Variants in RUFY3 observed in about 807,000 individuals in gnomAD.
RUFY3 encodes the protein protein RUFY3.
Under a neutral mutation model 84.0 loss-of-function variants are expected in RUFY3, and 34 were observed. The observed-to-expected ratio is 0.40, with a 90% CI of 0.31 to 0.54. The LOEUF is 0.54. Ranked by LOEUF, RUFY3 falls within the 20% of genes least tolerant of loss-of-function variation. The probability of loss-of-function intolerance (pLI) is 0.39; values close to 1 mark genes in which losing one functional copy is unlikely to be tolerated. For synonymous variants in RUFY3, 242 were observed against 252.9 expected, an observed-to-expected ratio of 0.96 and a Z score of 0.41; for missense variants, 507 against 736.8, an observed-to-expected ratio of 0.69 and a Z score of 3.61.
chr4:70,767,488 T>A (rs1010550002), intron 4 of RUFY3, among the ~76,000 whole-genome samples: 1 of 151,974 alleles, frequency 6.6e-6, no homozygotes, highest in Non-Finnish European at 1.5e-5. Context: ...GCTCCCAAAT[T>A]TTGGCAATTA....
intron 1 of RUFY3, among the ~76,000 whole-genome samples, chr4:70,749,950 C>T (rs1369727419): frequency 1.3e-5 from 2 of 151,854 alleles, no homozygotes; most frequent in Non-Finnish European, 2.9e-5. Flanking sequence ...GCCACTGTGC[C>T]CAGCCAGAAT....
At chr4:70,754,060 T>G (rs565673103) in intron 1 of RUFY3, among the ~76,000 whole-genome samples, 1 of 152,086 alleles carries the variant, frequency 6.6e-6, no homozygotes, top group Admixed American at 6.5e-5. Flanking sequence ...TTTTTTTTTT[T>G]TTTTCGAGAT....
intron 12 of RUFY3, chr4:70,792,052 G>C: frequency 1.0e-6 from 1 of 985,498 alleles, no homozygotes; most frequent in Non-Finnish European, 1.2e-6. Flanking sequence ...TTCTACCTCT[G>C]CCGTTTTCCT....
intron 1 of RUFY3, chr4:70,741,692 AC>A: frequency 2.0e-6 from 3 of 1,469,206 alleles, no homozygotes; most frequent in Non-Finnish European, 2.7e-6. Flanking sequence ...TGCGTGCCAC[AC>A]CAACATCTTT....
rs911202367 is a variant in RUFY3 at position 70,806,808 on chromosome 4, G to A, written c.*149G>A. 4 of 933,948 alleles carry A rather than the reference G, an allele frequency of 4.3e-6. No individual in the cohort carries two copies. Among genetic ancestry groups the A allele is most frequent in the Admixed American group, 5.8e-5 (2 of 34,304 alleles). The allele number at this position is 933,948 out of a possible 1,614,324, so 57.9% of individuals were successfully genotyped here. A position where few individuals can be genotyped will look rare whatever the true frequency, so the allele number is the denominator to read the frequency against. On this transcript the variant is annotated 3_prime_UTR_variant, in exon 18 of 18. Transcript: ENST00000381006. ...GGTCCAGGGAGAAAAGGCAGTGGTT[G>A]GGGTTACTGGAAATTTTGCTCATTT...
At chr4:70,800,276 T>C (rs1334812009) in intron 15 of RUFY3, 71 bp downstream of exon 15, 3 of 1,173,262 alleles carry the variant, frequency 2.6e-6, no homozygotes, top group African/African-American at 1.6e-5. Context: ...GAGTTCTTTA[T>C]ATACATTGGC....
At chr4:70,727,272 A>G (rs1718416522) in intron 1 of RUFY3, among the ~76,000 whole-genome samples, 1 of 151,490 alleles carries the variant, frequency 6.6e-6, no homozygotes, top group Admixed American at 6.6e-5. Flanking sequence ...TTTTTAAGTC[A>G]CATGCTCATA....
chr4:70,777,867 A>G (rs1377002375), intron 7 of RUFY3, among the ~76,000 whole-genome samples: 1 of 152,242 alleles, frequency 6.6e-6, no homozygotes, highest in Non-Finnish European at 1.5e-5. Flanking sequence ...TATTTCATTG[A>G]ATAAATACTT....
At chr4:70,763,318 T>C (rs1725339992) in intron 2 of RUFY3, among the ~76,000 whole-genome samples, 1 of 152,160 alleles carries the variant, frequency 6.6e-6, no homozygotes, top group Admixed American at 6.5e-5. Context: ...TTTTATTATA[T>C]TATAGGGCTA....
intron 1 of RUFY3, among the ~76,000 whole-genome samples, chr4:70,743,958 G>A (rs981326364): frequency 5.9e-5 from 9 of 152,242 alleles, no homozygotes; most frequent in Non-Finnish European, 1.3e-4. Flanking sequence ...GTAACTTGGA[G>A]ATGTTATAAA....
chr4:70,754,833 C>T (rs1278518001), intron 1 of RUFY3, among the ~76,000 whole-genome samples: 4 of 151,948 alleles, frequency 2.6e-5, no homozygotes, highest in African/African-American at 9.7e-5. Context: ...TCATTCCCAA[C>T]ATAGAGTAAG....
intron 15 of RUFY3, among the ~76,000 whole-genome samples, chr4:70,802,215 C>G (rs16845455): frequency 0.027 from 4,089 of 152,240 alleles, 80 homozygotes; most frequent in Middle Eastern, 0.054. Context: ...TAGCTGCAAT[C>G]GTTAGACATA....
At chr4:70,744,952 G>A (rs1290446722) in intron 1 of RUFY3, among the ~76,000 whole-genome samples, 1 of 151,320 alleles carries the variant, frequency 6.6e-6, no homozygotes, top group Non-Finnish European at 1.5e-5. Flanking sequence ...ACTGTGCCCA[G>A]CCCTTTTGAA....
chr4:70,756,390 G>A (rs1560501688), intron 1 of RUFY3, among the ~76,000 whole-genome samples: 2 of 152,120 alleles, frequency 1.3e-5, no homozygotes, highest in South Asian at 2.1e-4. Context: ...CACATCCCAC[G>A]TTAAAGTCTT....
chr4:70,787,260 G>GC (rs1459534816), intron 10 of RUFY3, among the ~76,000 whole-genome samples: 2 of 108,494 alleles, frequency 1.8e-5, no homozygotes, highest in Non-Finnish European at 3.9e-5. Flanking sequence ...TTATTTATTT[G>GC]TTTTTTTTTT....
At chr4:70,751,644 G>T (rs896681657) in intron 1 of RUFY3, among the ~76,000 whole-genome samples, 3 of 151,986 alleles carry the variant, frequency 2.0e-5, no homozygotes, top group Non-Finnish European at 4.4e-5. Context: ...TATACATTCT[G>T]GATATTGGAT....
intron 8 of RUFY3, among the ~76,000 whole-genome samples, chr4:70,780,165 T>C (rs1314738642): frequency 6.6e-6 from 1 of 152,254 alleles, no homozygotes; most frequent in Admixed American, 6.5e-5. Flanking sequence ...TTTACTGTTA[T>C]TCTGCTGCTA....
chr4:70,753,620 G>T (rs1296418944), intron 1 of RUFY3, among the ~76,000 whole-genome samples: 1 of 152,168 alleles, frequency 6.6e-6, no homozygotes. Context: ...AGCTTCCCTT[G>T]TCTAAAAGCT....
At chr4:70,715,507 G>T (rs1257848652) in intron 1 of RUFY3, among the ~76,000 whole-genome samples, 2 of 147,514 alleles carry the variant, frequency 1.4e-5, no homozygotes, top group South Asian at 2.1e-4. Flanking sequence ...CAGAAGAATC[G>T]CTTGAACCCG....
Sources: allele counts gnomAD v4.1 joint callset (sites outside exome capture counted in the v4.1 genomes callset), GRCh38; gene constraint gnomAD v4.1.1; transcripts MANE v1.5; gene names NCBI Gene and HGNC (gene_info 2026-07-23, HGNC 2026-07-21).